Variants in TSHZ2 observed in about 807,000 individuals in gnomAD.
The protein encoded by TSHZ2 is teashirt homolog 2.
TSHZ2 carries 21 observed loss-of-function variants against 74.4 expected under a neutral mutation model. That is an observed-to-expected ratio of 0.28 (90% CI 0.20 to 0.41). The LOEUF (loss-of-function observed/expected upper bound fraction) is 0.41. TSHZ2 is among the 10% of genes least tolerant of loss of function. The probability of loss-of-function intolerance (pLI) is 1.00; values close to 1 mark genes in which losing one functional copy is unlikely to be tolerated. For synonymous variants in TSHZ2, 540 were observed against 515.3 expected (o/e 1.05, Z -0.65); for missense variants, 1,244 against 1,293.5 (o/e 0.96, Z 0.59).
intron 2 of TSHZ2, among the ~76,000 whole-genome samples, chr20:53,310,604 C>A (rs1978740680): frequency 6.6e-6 from 1 of 152,194 alleles, no homozygotes; most frequent in South Asian, 2.1e-4. Context: ...AGCTCTCACA[C>A]ATCGATGGTA....
chr20:53,420,691 A>C (rs1568909771), intron 2 of TSHZ2, among the ~76,000 whole-genome samples: 8 of 152,178 alleles, frequency 5.3e-5, no homozygotes, highest in Admixed American at 5.2e-4. Context: ...TGAACCCAGG[A>C]GGCAGAGCTT....
chr20:53,190,071 C>CA (rs1292050876), intron 1 of TSHZ2, among the ~76,000 whole-genome samples: 1 of 90,530 alleles, frequency 1.1e-5, no homozygotes, highest in African/African-American at 4.1e-5. Context: ...GGTGACCAAA[C>CA]AAGACCCTGT....
At chr20:53,193,684 G>A (rs1342224849) in intron 1 of TSHZ2, among the ~76,000 whole-genome samples, 1 of 152,204 alleles carries the variant, frequency 6.6e-6, no homozygotes, top group East Asian at 1.9e-4. Context: ...CACAGGAATG[G>A]TCTACAGCCT....
At chr20:53,470,378 T>C (rs1985760078) in intron 2 of TSHZ2, among the ~76,000 whole-genome samples, 1 of 152,228 alleles carries the variant, frequency 6.6e-6, no homozygotes, top group Non-Finnish European at 1.5e-5. Flanking sequence ...AATAATGAAA[T>C]TCAGCAATGT....
chr20:53,091,801 G>T (rs62206548), intron 1 of TSHZ2, among the ~76,000 whole-genome samples: 26,652 of 152,126 alleles, frequency 0.18, 2,665 homozygotes, highest in East Asian at 0.41. Context: ...CAGTACTTTG[G>T]GAGGCAGAGA....
At chr20:53,018,628 A>T (rs1600648704) in intron 1 of TSHZ2, among the ~76,000 whole-genome samples, 2 of 152,330 alleles carry the variant, frequency 1.3e-5, no homozygotes, top group South Asian at 2.1e-4. Context: ...CACTGCCTTT[A>T]AATCAGATTA....
chr20:53,326,518 T>G (rs1979499550), intron 2 of TSHZ2, among the ~76,000 whole-genome samples: 1 of 152,156 alleles, frequency 6.6e-6, no homozygotes, highest in Non-Finnish European at 1.5e-5. Context: ...TGATTTGAGC[T>G]GCAATATTAA....
At chr20:53,006,450 A>G (rs190640940) in intron 1 of TSHZ2, among the ~76,000 whole-genome samples, 29 of 152,348 alleles carry the variant, frequency 1.9e-4, no homozygotes, top group African/African-American at 7.0e-4. Flanking sequence ...CTTGCATGGA[A>G]GCACATGACC....
chr20:53,305,290 GC>G (rs978203063), intron 2 of TSHZ2, among the ~76,000 whole-genome samples: 3 of 152,050 alleles, frequency 2.0e-5, no homozygotes, highest in African/African-American at 7.2e-5. Context: ...ATTCTTTTCT[GC>G]CCCCATCCAT....
At chr20:53,071,798 C>G (rs1312347806) in intron 1 of TSHZ2, among the ~76,000 whole-genome samples, 2 of 152,142 alleles carry the variant, frequency 1.3e-5, no homozygotes, top group African/African-American at 2.4e-5. Context: ...CTGAATACCC[C>G]TGGAGAGTAG....
intron 1 of TSHZ2, among the ~76,000 whole-genome samples, chr20:53,051,478 C>G (rs1225897617): frequency 6.6e-6 from 1 of 151,808 alleles, no homozygotes; most frequent in Non-Finnish European, 1.5e-5. Flanking sequence ...CACACACACA[C>G]ACACACACAC....
At chr20:53,039,367 T>G (rs1983952638) in intron 1 of TSHZ2, among the ~76,000 whole-genome samples, 1 of 152,212 alleles carries the variant, frequency 6.6e-6, no homozygotes, top group African/African-American at 2.4e-5. Flanking sequence ...CAACAACAAG[T>G]GTCAGTACCT....
chr20:53,332,053 A>G lies in TSHZ2; in HGVS notation c.*8+75482A>G, dbSNP rs1372935046. On this transcript the variant is annotated intron_variant, in intron 2 of 2. Transcript: ENST00000371497. ...TGAATACATCTGAAGCCAGAGGGCA[A>G]GGAGGCCTCCTGTGCAGAAGGCAGG... 2.6e-5 allele frequency among the ~76,000 whole-genome samples: 4 copies of G among 152,242 alleles called. 1 individual carries two copies. Among genetic ancestry groups the G allele is most frequent in the Admixed American group, 2.6e-4 (4 of 15,304 alleles).
chr20:53,033,207 T>A (rs953128030), intron 1 of TSHZ2, among the ~76,000 whole-genome samples: 4 of 152,214 alleles, frequency 2.6e-5, no homozygotes, highest in Non-Finnish European at 5.9e-5. Context: ...TAAAACTGAT[T>A]CTTGCTATCG....
intron 2 of TSHZ2, among the ~76,000 whole-genome samples, chr20:53,462,007 G>A (rs533712697): frequency 9.2e-5 from 14 of 151,722 alleles, no homozygotes; most frequent in East Asian, 1.9e-4. Flanking sequence ...CAAGGAAGGC[G>A]GATCACTTGA....
At chr20:52,995,441 C>T (rs1224409246) in intron 1 of TSHZ2, among the ~76,000 whole-genome samples, 1 of 152,106 alleles carries the variant, frequency 6.6e-6, no homozygotes, top group East Asian at 1.9e-4. Flanking sequence ...TCTGTGCATC[C>T]AGAATGATTT....
rs903154715 is a variant in TSHZ2, at chr20:53,133,444, C to T, written c.41-120055C>T. On this transcript the variant is annotated intron_variant, in intron 1 of 2. Transcript: ENST00000371497. ...CGTGGTCTGCCACTTTGGTAGGCAT[C>T]ATCTTACCCCAGAGGTAGCACATAT... is the stretch of plus-strand genomic sequence containing the variant. 2.0e-5 allele frequency among the ~76,000 whole-genome samples: 3 copies of T among 152,326 alleles called. No homozygotes were observed. In the East Asian group the frequency reaches 5.8e-4, roughly 29 times the overall value.
intron 2 of TSHZ2, among the ~76,000 whole-genome samples, chr20:53,257,372 G>A (rs1017043282): frequency 2.0e-5 from 3 of 152,144 alleles, no homozygotes; most frequent in African/African-American, 7.2e-5. Flanking sequence ...GAAACAAATG[G>A]CTTTCTGTAC....
intron 1 of TSHZ2, among the ~76,000 whole-genome samples, chr20:52,991,410 G>T (rs1388739011): frequency 6.9e-6 from 1 of 143,892 alleles, no homozygotes; most frequent in East Asian, 2.1e-4. Flanking sequence ...TGTTGTGGGG[G>T]GAGAGAGTGT....
Sources: allele counts gnomAD v4.1 joint callset (sites outside exome capture counted in the v4.1 genomes callset), GRCh38; gene constraint gnomAD v4.1.1; transcripts MANE v1.5; gene names NCBI Gene and HGNC (gene_info 2026-07-23, HGNC 2026-07-21).